Variants in LIPA observed in about 807,000 individuals in gnomAD.
LIPA encodes the protein lysosomal acid lipase/cholesteryl ester hydrolase.
In LIPA, 26 loss-of-function variants were observed where a neutral mutation model predicts 40.6. The ratio of observed to expected loss-of-function variants is 0.64; its 90% CI spans 0.47 to 0.89. The LOEUF (loss-of-function observed/expected upper bound fraction) is 0.89. Ranked by LOEUF, LIPA falls within the 40% of genes least tolerant of loss-of-function variation. The pLI is 0.00. For missense variants in LIPA, 455 were observed against 479.6 expected (o/e 0.95, Z 0.48); for synonymous variants, 188 against 168.4 (o/e 1.12, Z -0.90).
chr10:89,369,551 A>C (rs1411257234), intron 2 of LIPA, among the ~76,000 whole-genome samples: 1 of 152,228 alleles, frequency 6.6e-6, no homozygotes, highest in Non-Finnish European at 1.5e-5. Context: ...ATCTTTATCA[A>C]GAAACTTCAA....
chr10:89,379,794 G>C (rs1844148894), intron 2 of LIPA, among the ~76,000 whole-genome samples: 1 of 152,100 alleles, frequency 6.6e-6, no homozygotes. Context: ...CAGCACTTTG[G>C]GAGGCCGAGA....
chr10:89,339,076 G>GA, intron 1 of LIPA: 1 of 1,614,088 alleles, frequency 6.2e-7, no homozygotes, highest in Non-Finnish European at 8.5e-7. Context: ...ACTTGACTGT[G>GA]AGGAAGGGTG....
chr10:89,400,534 T>C (rs541336109), intron 2 of LIPA, among the ~76,000 whole-genome samples: 1 of 152,336 alleles, frequency 6.6e-6, no homozygotes, highest in African/African-American at 2.4e-5. Context: ...TTTGATGCTA[T>C]TTTTGTAAAT....
At chr10:89,218,046 T>C (rs1589550355) in intron 8 of LIPA, among the ~76,000 whole-genome samples, 1 of 152,346 alleles carries the variant, frequency 6.6e-6, no homozygotes. Flanking sequence ...ACACTAAGGT[T>C]ATACTTCTGT....
At chr10:89,262,839 A>T (rs1489621838) in intron 1 of LIPA, among the ~76,000 whole-genome samples, 1 of 152,206 alleles carries the variant, frequency 6.6e-6, no homozygotes, top group Non-Finnish European at 1.5e-5. Context: ...CTTTCCTCAC[A>T]TTTCCTCAGA....
intron 1 of LIPA, among the ~76,000 whole-genome samples, chr10:89,324,748 G>A (rs1843590190): frequency 6.6e-6 from 1 of 152,198 alleles, no homozygotes; most frequent in Non-Finnish European, 1.5e-5. Context: ...CATGCATGCG[G>A]CCAATAAGAA....
chr10:89,333,969 C>T (rs189103644), intron 1 of LIPA, among the ~76,000 whole-genome samples: 133 of 152,330 alleles, frequency 8.7e-4, no homozygotes, highest in African/African-American at 3.0e-3. Flanking sequence ...TGATGGACTC[C>T]TTGGATTGGG....
intron 7 of LIPA, among the ~76,000 whole-genome samples, chr10:89,223,192 G>A (rs1026643213): frequency 6.6e-6 from 1 of 151,910 alleles, no homozygotes; most frequent in Non-Finnish European, 1.5e-5. Context: ...TTAGATTCGG[G>A]GGGTCCATGT....
intron 2 of LIPA, chr10:89,385,142 G>A (rs1322720353): frequency 6.2e-6 from 1 of 162,170 alleles, no homozygotes; most frequent in African/African-American, 2.4e-5. Flanking sequence ...GTCATTAGGT[G>A]TCTGTATTTC....
At chr10:89,394,292 T>C (rs1844301208) in intron 2 of LIPA, among the ~76,000 whole-genome samples, 1 of 152,164 alleles carries the variant, frequency 6.6e-6, no homozygotes, top group Admixed American at 6.5e-5. Context: ...CCACCAAATA[T>C]GTGGTCCTTT....
intron 1 of LIPA, among the ~76,000 whole-genome samples, chr10:89,272,113 G>A (rs1360234230): frequency 3.3e-5 from 5 of 152,136 alleles, no homozygotes; most frequent in South Asian, 2.1e-4. Context: ...TAAGCTCAGG[G>A]GCACATATGC....
chr10:89,385,025 C>T, intron 2 of LIPA: 1 of 351,236 alleles, frequency 2.8e-6, no homozygotes, highest in Non-Finnish European at 5.2e-6. Context: ...AGTAACCGAT[C>T]AAATTGCTAT....
chr10:89,380,263 G>C (rs1013835767), intron 2 of LIPA, among the ~76,000 whole-genome samples: 3 of 152,034 alleles, frequency 2.0e-5, no homozygotes, highest in African/African-American at 7.2e-5. Flanking sequence ...ACTGGTTCAG[G>C]GACAGAGGAG....
rs1589558020 is a variant in LIPA, at chr10:89,228,185, T to C, written c.428+15A>G. 1.2e-6 allele frequency: 2 copies of C among 1,605,186 alleles called. No homozygotes were observed. The highest frequency in any genetic ancestry group is 4.5e-5 in the East Asian group (2 of 44,846). On this transcript the variant is annotated intron_variant, in intron 4 of 9. Coordinates refer to ENST00000336233, the MANE Select transcript of LIPA (RefSeq NM_000235.4). ...CTAAGGAAATACATCCATGCCATTATCAATTCATATATACCTGAAAGCCCA... is the reference window on the plus strand; with the variant it reads ...CTAAGGAAATACATCCATGCCATTACCAATTCATATATACCTGAAAGCCCA...
chr10:89,344,704 C>T (rs1453819996), upstream of LIPA, among the ~76,000 whole-genome samples: 1 of 151,372 alleles, frequency 6.6e-6, no homozygotes, highest in East Asian at 1.9e-4. Flanking sequence ...CAAATAAAAA[C>T]ACCCCTCAAA....
chr10:89,224,479 ATG>A (rs946957190), intron 6 of LIPA, among the ~76,000 whole-genome samples: 7 of 152,072 alleles, frequency 4.6e-5, no homozygotes, highest in Non-Finnish European at 7.4e-5. Context: ...AGGATTTCAT[ATG>A]TGTGTGTGTG....
In LIPA at chr10:89,228,356, T is replaced by G; in HGVS notation, c.272A>C (p.Asp91Ala). 6.2e-7 allele frequency: 1 copy of G among 1,614,202 alleles called. No individual in the cohort carries two copies. Among genetic ancestry groups the G allele is most frequent in the Non-Finnish European group, 8.5e-7 (1 of 1,180,038 alleles). ...AAGGTTTGTGACCCAGTTACTAGAATCTGCCAGCAAGCCATGTTGCAGGAA... is the reference window on the plus strand; with the variant it reads ...AAGGTTTGTGACCCAGTTACTAGAAGCTGCCAGCAAGCCATGTTGCAGGAA... ...VVFLQHGLLA[D>A]SSNWVTNLAN... The change falls in exon 4 of 10, where the codon GAT becomes GCT. Residue 91 changes from aspartate (D) to alanine (A), a missense_variant. By Grantham distance (126) the Asp-to-Ala change is moderately radical. Coordinates refer to ENST00000336233, the MANE Select transcript of LIPA (RefSeq NM_000235.4).
intron 5 of LIPA, among the ~76,000 whole-genome samples, chr10:89,225,499 G>T (rs1335922008): frequency 1.3e-5 from 2 of 152,148 alleles, no homozygotes; most frequent in Non-Finnish European, 2.9e-5. Flanking sequence ...CAGTCTGGGA[G>T]AATCAGAAAA....
intron 1 of LIPA, 36 bp from the exon 2 acceptor site, chr10:89,247,685 A>C (rs1843047239): frequency 1.4e-6 from 2 of 1,398,712 alleles, no homozygotes; most frequent in East Asian, 4.6e-5. Context: ...ATTTGCTTGA[A>C]TTTTACTACA....
Sources: allele counts gnomAD v4.1 joint callset (sites outside exome capture counted in the v4.1 genomes callset), GRCh38; gene constraint gnomAD v4.1.1; transcripts MANE v1.5; gene names NCBI Gene and HGNC (gene_info 2026-07-23, HGNC 2026-07-21).